WWTR1: variants seen among roughly 807,000 people sequenced by gnomAD.
The protein encoded by WWTR1 is WW domain containing transcription regulator 1, also known as WW domain-containing transcription regulator protein 1.
In WWTR1, 13 loss-of-function variants were observed where a neutral mutation model predicts 40.1. The ratio of observed to expected loss-of-function variants is 0.32; its 90% CI spans 0.21 to 0.52. The LOEUF (loss-of-function observed/expected upper bound fraction) is 0.52, where lower values mean the gene tolerates loss of function less well. Among genes scored for constraint, WWTR1 ranks in the 20% least tolerant of loss-of-function variants. WWTR1 has a pLI of 0.97. For missense variants in WWTR1, 436 were observed against 523.1 expected (o/e 0.83, Z 1.63); for synonymous variants, 230 against 210.1 (o/e 1.09, Z -0.82).
intron 3 of WWTR1, among the ~76,000 whole-genome samples, chr3:149,554,403 T>G (rs1263797258): frequency 6.6e-6 from 1 of 152,190 alleles, no homozygotes; most frequent in African/African-American, 2.4e-5. Flanking sequence ...AAACCCTGAA[T>G]TTTTAGCACC....
At chr3:149,602,897 T>TGATC (rs1359408132) in intron 2 of WWTR1, among the ~76,000 whole-genome samples, 4 of 152,064 alleles carry the variant, frequency 2.6e-5, no homozygotes, top group Non-Finnish European at 4.4e-5. Flanking sequence ...TGACCTCAAG[T>TGATC]GATCCGCTTG....
chr3:149,564,108 C>T (rs1053612134), intron 3 of WWTR1, among the ~76,000 whole-genome samples: 2 of 152,216 alleles, frequency 1.3e-5, no homozygotes, highest in Non-Finnish European at 1.5e-5. Flanking sequence ...TCAGAGTCAT[C>T]TGAGCACTCG....
intron 3 of WWTR1, among the ~76,000 whole-genome samples, chr3:149,565,950 A>G (rs1737304335): frequency 6.7e-6 from 1 of 148,226 alleles, no homozygotes; most frequent in East Asian, 2.1e-4. Flanking sequence ...AAAAAAAAAG[A>G]ATCTCCTCTT....
At chr3:149,640,482 C>G (rs1216417749) in intron 2 of WWTR1, among the ~76,000 whole-genome samples, 1 of 151,934 alleles carries the variant, frequency 6.6e-6, no homozygotes, top group Non-Finnish European at 1.5e-5. Context: ...ATGCAGTGCC[C>G]CAATCTTGGC....
intron 1 of WWTR1, chr3:149,702,430 G>A (rs1307527424): frequency 6.6e-6 from 1 of 151,052 alleles, no homozygotes; most frequent in Non-Finnish European, 1.5e-5. Context: ...TACTAATTTG[G>A]TAACCTTAGG....
At position 149,549,279 on chromosome 3, in the gene WWTR1, C is replaced by A. The variant is rs531522941; in HGVS notation, c.569-6742G>T. On this transcript the variant is annotated intron_variant, in intron 3 of 6. Transcript: ENST00000360632. ...GAAGATACTACCTTGGCCAGGTGAT[C>A]AAGGTCAACATTAACAGTGACAAGT... Among the ~76,000 whole-genome samples the A allele has an allele frequency of 1.6e-4, 24 of 152,300 alleles. No individual in the cohort carries two copies. In the East Asian group the frequency reaches 4.4e-3, roughly 28 times the overall value.
At chr3:149,617,174 C>T (rs964206248) in intron 2 of WWTR1, among the ~76,000 whole-genome samples, 1 of 152,176 alleles carries the variant, frequency 6.6e-6, no homozygotes, top group Non-Finnish European at 1.5e-5. Context: ...ATTTAGGAGC[C>T]ACCTTGTGCC....
At chr3:149,572,576 AG>A (rs1737688643) in intron 3 of WWTR1, among the ~76,000 whole-genome samples, 1 of 152,170 alleles carries the variant, frequency 6.6e-6, no homozygotes, top group African/African-American at 2.4e-5. Flanking sequence ...ATTGCAGCCA[AG>A]AAGAAGGAGC....
intron 1 of WWTR1, among the ~76,000 whole-genome samples, chr3:149,697,007 T>G (rs1715015057): frequency 6.6e-6 from 1 of 152,148 alleles, no homozygotes; most frequent in South Asian, 2.1e-4. Flanking sequence ...AGCACGGAGG[T>G]CACTTTTTCT....
At chr3:149,628,009 G>A (rs910359651) in intron 2 of WWTR1, among the ~76,000 whole-genome samples, 1 of 149,182 alleles carries the variant, frequency 6.7e-6, no homozygotes, top group African/African-American at 2.5e-5. Context: ...GGAGGTGGGG[G>A]TTGCGGTGAG....
chr3:149,679,869 G>T (rs6777031), intron 1 of WWTR1, among the ~76,000 whole-genome samples: 9,522 of 152,198 alleles, frequency 0.063, 703 homozygotes, highest in African/African-American at 0.17. Flanking sequence ...AATTTTCCAG[G>T]GCTGATTTCT....
At chr3:149,611,685 G>A (rs1739744462) in intron 2 of WWTR1, among the ~76,000 whole-genome samples, 1 of 152,194 alleles carries the variant, frequency 6.6e-6, no homozygotes, top group Admixed American at 6.5e-5. Context: ...TGGGGTACAG[G>A]ATATGAGGTG....
At chr3:149,672,778 T>C in intron 1 of WWTR1, among the ~76,000 whole-genome samples, 1 of 150,412 alleles carries the variant, frequency 6.6e-6, no homozygotes, top group Non-Finnish European at 1.5e-5. Flanking sequence ...GAAGAAGTTT[T>C]TTCCTTTTTT....
At chr3:149,640,164 A>T (rs1403235301) in intron 2 of WWTR1, among the ~76,000 whole-genome samples, 1 of 152,086 alleles carries the variant, frequency 6.6e-6, no homozygotes, top group African/African-American at 2.4e-5. Flanking sequence ...TTTAAGCAAC[A>T]TCTCTGGTCT....
intron 2 of WWTR1, among the ~76,000 whole-genome samples, chr3:149,602,888 G>A (rs1302145544): frequency 6.6e-6 from 1 of 152,170 alleles, no homozygotes; most frequent in South Asian, 2.1e-4. Flanking sequence ...TCGAACTCCT[G>A]ACCTCAAGTG....
chr3:149,721,970 T>C (rs571247801), intron 4 of WWTR1, among the ~76,000 whole-genome samples: 41 of 152,344 alleles, frequency 2.7e-4, no homozygotes, highest in African/African-American at 9.1e-4. Context: ...TTAGTCTTGA[T>C]AGGTTGTGTG....
intron 4 of WWTR1, among the ~76,000 whole-genome samples, chr3:149,535,897 C>T (rs1295384898): frequency 6.6e-6 from 1 of 152,078 alleles, no homozygotes; most frequent in Admixed American, 6.6e-5. Context: ...CCTGTAATCC[C>T]AGCTACTCAG....
intron 2 of WWTR1, among the ~76,000 whole-genome samples, chr3:149,580,531 G>C (rs1247930729): frequency 6.6e-6 from 1 of 152,198 alleles, no homozygotes; most frequent in Admixed American, 6.5e-5. Context: ...AAGCCCCATC[G>C]CAGTGGATGC....
intron 1 of WWTR1, among the ~76,000 whole-genome samples, chr3:149,684,526 A>G (rs963565395): frequency 5.3e-5 from 8 of 151,500 alleles, no homozygotes; most frequent in Non-Finnish European, 1.0e-4. Context: ...AGTCTATGTG[A>G]TCCTTCTGAT....
Sources: allele counts gnomAD v4.1 joint callset (sites outside exome capture counted in the v4.1 genomes callset), GRCh38; gene constraint gnomAD v4.1.1; transcripts MANE v1.5; gene names NCBI Gene and HGNC (gene_info 2026-07-23, HGNC 2026-07-21).